USP9X: variants seen among roughly 807,000 people sequenced by gnomAD.
The protein encoded by USP9X is ubiquitin carboxyl-terminal hydrolase 9X.
In USP9X, 7 loss-of-function variants were observed where a neutral mutation model predicts 190.3. That is an observed-to-expected ratio of 0.04 (90% confidence interval 0.02 to 0.07). USP9X has a LOEUF of 0.07. Ranked by LOEUF, USP9X falls within the 10% of genes least tolerant of loss-of-function variation. The probability of loss-of-function intolerance (pLI) is 1.00; values close to 1 mark genes in which losing one functional copy is unlikely to be tolerated. For missense variants in USP9X, 1,010 were observed against 1,916.9 expected (o/e 0.53, Z 8.83); for synonymous variants, 645 against 659.5 (o/e 0.98, Z 0.34).
Position 41,230,616 on chromosome X carries a change from T to G in USP9X, c.7527+20T>G. On this transcript the variant is annotated intron_variant, in intron 44 of 44. Transcript: ENST00000378308. ...CAACAGGTAAACAGGAGTCAGTTTATGCTTTTATCCCCTAGAACTGGGTTT... is the reference window on the plus strand; with the variant it reads ...CAACAGGTAAACAGGAGTCAGTTTAGGCTTTTATCCCCTAGAACTGGGTTT... The G allele has an allele frequency of 8.6e-7, 1 of 1,163,926 alleles. No homozygotes were observed. Among genetic ancestry groups the G allele is most frequent in the Non-Finnish European group, 1.2e-6 (1 of 855,452 alleles).
At chrX:41,104,497 T>C (rs904745696) in intron 1 of USP9X, among the ~76,000 whole-genome samples, 14 of 112,502 alleles carry the variant, frequency 1.2e-4, no homozygotes, top group Non-Finnish European at 2.4e-4. Context: ...TGTTCATTTA[T>C]TTAAAAACCT....
At chrX:41,218,334 T>C in intron 36 of USP9X, 38 bp from the exon 37 acceptor site, 3 of 1,171,891 alleles carry the variant, frequency 2.6e-6, no homozygotes, top group Admixed American at 2.2e-5. Context: ...GAACAAGTTA[T>C]TGACTTAATA....
intron 9 of USP9X, among the ~76,000 whole-genome samples, chrX:41,142,088 G>GT (rs1199024017): frequency 9.0e-6 from 1 of 111,177 alleles, no homozygotes; most frequent in African/African-American, 3.3e-5. Context: ...TAATAGGGGA[G>GT]TTAGTGATTA....
At chrX:41,089,910 T>TTTTTTG (rs2061942443) in intron 1 of USP9X, among the ~76,000 whole-genome samples, 1 of 73,166 alleles carries the variant, frequency 1.4e-5, no homozygotes, top group Non-Finnish European at 2.6e-5. Flanking sequence ...AGGGTTTTTT[T>TTTTTTG]TTTTTTTTTT....
intron 24 of USP9X, 62 bp downstream of exon 24, chrX:41,186,704 C>T: frequency 1.8e-5 from 20 of 1,121,698 alleles, no homozygotes; most frequent in Non-Finnish European, 2.1e-5. Context: ...ATTTTAATCA[C>T]TGTCTCATTC....
In USP9X at chrX:41,224,869, C is replaced by T. The variant is rs778027964; in HGVS notation, c.6879C>T (p.Cys2293=). 8.3e-7 allele frequency: 1 copy of T among 1,211,682 alleles called. No homozygotes were observed. Among genetic ancestry groups the T allele is most frequent in the East Asian group, 3.0e-5 (1 of 33,842 alleles). The change falls in exon 40 of 45, where the codon TGC becomes TGT. Residue 2293 remains cysteine, a synonymous_variant. Coordinates refer to ENST00000378308, the MANE Select transcript of USP9X (RefSeq NM_001039591.3). ...ATGTGAAGAAAATCATTGAAGACTG[C>T]AGTAATTCAGAGGAAACCGTCAAAT... ...TSYVKKIIED[C]SNSEETVKLL...
intron 1 of USP9X, among the ~76,000 whole-genome samples, chrX:41,093,395 A>C (rs1359417043): frequency 8.9e-6 from 1 of 112,407 alleles, no homozygotes; most frequent in African/African-American, 3.2e-5. Flanking sequence ...GAAAACAAAA[A>C]AGTAAATGGC....
Position 41,224,842 on chromosome X carries a change from T to C in USP9X, c.6852T>C (p.Ser2284=). Residue 2284 remains serine, a synonymous_variant, in exon 40 of 45, where the codon AGT becomes AGC. Coordinates refer to ENST00000378308, the MANE Select transcript of USP9X (RefSeq NM_001039591.3). ...NVADILFVRT[S]YVKKIIEDCS... ...CAGACATTTTATTTGTGAGAACAAG[T>C]TATGTGAAGAAAATCATTGAAGACT... 3 of 1,211,470 alleles carry C rather than the reference T, an allele frequency of 2.5e-6. No individual in the cohort carries two copies. In the African/African-American group the frequency reaches 5.2e-5, roughly 21 times the overall value.
At chrX:41,168,674 T>C (rs1476857757) in intron 18 of USP9X, among the ~76,000 whole-genome samples, 1 of 111,396 alleles carries the variant, frequency 9.0e-6, no homozygotes, top group Non-Finnish European at 1.9e-5. Flanking sequence ...TTTTGACTTT[T>C]TGTGGAGGTG....
intron 4 of USP9X, among the ~76,000 whole-genome samples, chrX:41,132,295 A>ATTTTTTTT: frequency 1.8e-5 from 1 of 54,570 alleles, no homozygotes; most frequent in Non-Finnish European, 3.2e-5. Flanking sequence ...ATGCCCACTA[A>ATTTTTTTT]TTTTTTTTTT....
chrX:41,228,224 T>C (rs2063331564), intron 41 of USP9X, among the ~76,000 whole-genome samples: 1 of 112,382 alleles, frequency 8.9e-6, no homozygotes, highest in South Asian at 3.7e-4. Flanking sequence ...ATCATTACTT[T>C]ATAGCTGAAT....
At chrX:41,178,850 C>A (rs1002318678) in intron 21 of USP9X, among the ~76,000 whole-genome samples, 1 of 112,060 alleles carries the variant, frequency 8.9e-6, no homozygotes, top group Non-Finnish European at 1.9e-5. Context: ...TCTGGTCTTA[C>A]ATTTAAGTTT....
rs2061902630 is a variant in USP9X, at chrX:41,085,569, C to T, written c.-699C>T. On this transcript the variant is annotated 5_prime_UTR_variant, in exon 1 of 45. Transcript: ENST00000378308. ...TCAGGGCCTCTGTCGCGCCTAGCCC[C>T]TCCCCGCCTTACACAGCTCCCGGGC... 7.6e-6 allele frequency: 2 copies of T among 263,440 alleles called. No homozygotes were observed. The highest frequency in any genetic ancestry group is 1.3e-5 in the Non-Finnish European group (2 of 148,624). The allele number at this position is 263,440 out of a possible 1,213,427, so 21.7% of individuals were successfully genotyped here. A position where few individuals can be genotyped will look rare whatever the true frequency, so the allele number is the denominator to read the frequency against.
chrX:41,223,112 T>A, intron 38 of USP9X, 105 bp from the exon 39 acceptor site: 4 of 777,511 alleles, frequency 5.1e-6, no homozygotes, highest in South Asian at 5.7e-5. Context: ...AGACAAGATA[T>A]TTTGTATAAC....
rs185422074 is a variant in USP9X at position 41,179,720 on chromosome X, T to C, written c.3149-4278T>C. 9.8e-5 allele frequency among the ~76,000 whole-genome samples: 11 copies of C among 112,142 alleles called. No homozygotes were observed. The Admixed American group carries it at 1.0e-3, about 11-fold the overall frequency. On this transcript the variant is annotated intron_variant, in intron 21 of 44. Coordinates refer to ENST00000378308, the MANE Select transcript of USP9X (RefSeq NM_001039591.3). Reference sequence around the variant, plus strand: ...AACCTGAGGGAGTTGGAAAGGCTTCTTAATCAGTCTTCAGCCTCTGTCTTT... The same window carrying C: ...AACCTGAGGGAGTTGGAAAGGCTTCCTAATCAGTCTTCAGCCTCTGTCTTT...
chrX:41,100,036 AC>A (rs2062023547), intron 1 of USP9X, among the ~76,000 whole-genome samples: 1 of 111,192 alleles, frequency 9.0e-6, no homozygotes, highest in Non-Finnish European at 1.9e-5. Context: ...TTTTTTACCT[AC>A]CCCCTTCCAT....
Position 41,097,991 on chromosome X carries a change from A to G in USP9X, c.-159+11882A>G, listed in dbSNP as rs374131099. On this transcript the variant is annotated intron_variant, in intron 1 of 44. Coordinates refer to ENST00000378308, the MANE Select transcript of USP9X (RefSeq NM_001039591.3). ...ATATATAACTTACAGTAAAATGCACAAATATGAGATTGTATAGCTTGATAA... is the reference window on the plus strand; with the variant it reads ...ATATATAACTTACAGTAAAATGCACGAATATGAGATTGTATAGCTTGATAA... Among the ~76,000 whole-genome samples, 27 of 111,813 alleles carry G rather than the reference A, an allele frequency of 2.4e-4. No individual in the cohort carries two copies. The South Asian group carries it at 7.0e-3, about 29-fold the overall frequency.
At chrX:41,141,466 A>G (rs991334216) in intron 9 of USP9X, 35 bp downstream of exon 9, 2 of 1,118,168 alleles carry the variant, frequency 1.8e-6, no homozygotes, top group East Asian at 3.2e-5. Context: ...AGGAATAAGA[A>G]TCTACTTAAG....
intron 1 of USP9X, among the ~76,000 whole-genome samples, chrX:41,118,303 C>T (rs1163501302): frequency 1.8e-5 from 2 of 110,627 alleles, no homozygotes; most frequent in Non-Finnish European, 1.9e-5. Context: ...TCCCCCCAGC[C>T]CCTGGCAACC....
Sources: allele counts gnomAD v4.1 joint callset (sites outside exome capture counted in the v4.1 genomes callset), GRCh38; gene constraint gnomAD v4.1.1; transcripts MANE v1.5; gene names NCBI Gene and HGNC (gene_info 2026-07-23, HGNC 2026-07-21).